Variants in GABBR2 observed in about 807,000 individuals in gnomAD.
GABBR2 encodes the protein G-protein coupled receptor 51.
Under a neutral mutation model 105.6 loss-of-function variants are expected in GABBR2, and 23 were observed. The observed-to-expected ratio is 0.22, with a 90% confidence interval of 0.16 to 0.31. The LOEUF (loss-of-function observed/expected upper bound fraction) is 0.31. Ranked by LOEUF, GABBR2 falls within the 10% of genes least tolerant of loss-of-function variation. The probability of loss-of-function intolerance (pLI) is 1.00; values close to 1 mark genes in which losing one functional copy is unlikely to be tolerated. For missense variants in GABBR2, 734 were observed against 1,245.5 expected (o/e 0.59, Z 6.18); for synonymous variants, 478 against 499.7 (o/e 0.96, Z 0.58).
At chr9:98,597,322 C>T (rs1829252909) in intron 1 of GABBR2, among the ~76,000 whole-genome samples, 1 of 152,210 alleles carries the variant, frequency 6.6e-6, no homozygotes, top group African/African-American at 2.4e-5. Context: ...GGACAACATG[C>T]CAGGGACAAC....
rs774600944 is a variant in GABBR2 at position 98,480,907 on chromosome 9, C to T, written c.798+25G>A. 3.7e-5 allele frequency: 53 copies of T among 1,424,798 alleles called. No homozygotes were observed. The East Asian group carries it at 5.9e-4, about 16-fold the overall frequency. The allele number at this position is 1,424,798 out of a possible 1,614,324, so 88.3% of individuals were successfully genotyped here. A position where few individuals can be genotyped will look rare whatever the true frequency, so the allele number is the denominator to read the frequency against. ...AGCTTCGTGAACCTCCCCAAAGACA[C>T]GAATGATACAACTGTTTTACTTACA... On this transcript the variant is annotated intron_variant, in intron 5 of 18. Transcript: ENST00000259455.
intron 3 of GABBR2, among the ~76,000 whole-genome samples, chr9:98,528,822 TG>T (rs201826433): frequency 0.038 from 5,835 of 152,252 alleles, 386 homozygotes; most frequent in African/African-American, 0.13. Context: ...TATACTGCTA[TG>T]AAACTCTAAA....
intron 5 of GABBR2, among the ~76,000 whole-genome samples, chr9:98,479,426 A>G (rs1277001971): frequency 1.3e-5 from 2 of 152,204 alleles, no homozygotes; most frequent in African/African-American, 4.8e-5. Context: ...AACTTCAATA[A>G]TAAGTAGCAG....
At chr9:98,496,371 T>C (rs1207342853) in intron 4 of GABBR2, 42 bp downstream of exon 4, 1 of 1,252,248 alleles carries the variant, frequency 8.0e-7, no homozygotes, top group Non-Finnish European at 1.2e-6. Flanking sequence ...CCCAGGGCAT[T>C]GAGATCAGTC....
At chr9:98,637,238 C>G (rs995515585) in intron 1 of GABBR2, among the ~76,000 whole-genome samples, 1 of 152,192 alleles carries the variant, frequency 6.6e-6, no homozygotes, top group Non-Finnish European at 1.5e-5. Flanking sequence ...GACTTACCTA[C>G]TGACTGCACG....
chr9:98,409,455 T>C (rs1410416543), intron 7 of GABBR2, among the ~76,000 whole-genome samples: 6 of 152,206 alleles, frequency 3.9e-5, no homozygotes, highest in Non-Finnish European at 2.9e-5. Context: ...CAGCTCAGAC[T>C]GCATGGCAAA....
chr9:98,670,099 CT>C (rs1214409521), intron 1 of GABBR2, among the ~76,000 whole-genome samples: 6 of 152,250 alleles, frequency 3.9e-5, no homozygotes, highest in South Asian at 2.1e-4. Flanking sequence ...GGACTGTGGA[CT>C]TTCTGCTAGG....
chr9:98,414,494 C>T (rs960130801), intron 7 of GABBR2, among the ~76,000 whole-genome samples: 4 of 152,172 alleles, frequency 2.6e-5, no homozygotes, highest in Middle Eastern at 3.2e-3. Context: ...GCCAAGGATG[C>T]TGAGCTTCAT....
chr9:98,480,893 C>G, intron 5 of GABBR2, 39 bp downstream of exon 5: 1 of 1,230,960 alleles, frequency 8.1e-7, no homozygotes, highest in Non-Finnish European at 1.2e-6. Context: ...GCTTCGTGAA[C>G]CTCCCCAAAG....
intron 13 of GABBR2, among the ~76,000 whole-genome samples, chr9:98,333,685 A>AG (rs2131394866): frequency 6.6e-6 from 1 of 152,300 alleles, no homozygotes; most frequent in Non-Finnish European, 1.5e-5. Context: ...TTAGCAAATA[A>AG]GGCCACATTT....
intron 1 of GABBR2, among the ~76,000 whole-genome samples, chr9:98,641,244 C>T (rs1829958210): frequency 6.6e-6 from 1 of 151,474 alleles, no homozygotes; most frequent in Admixed American, 6.6e-5. Context: ...AGTAATTCTC[C>T]TGCCTCAGCA....
chr9:98,455,240 C>G (rs12004517), intron 6 of GABBR2, among the ~76,000 whole-genome samples: 1 of 152,052 alleles, frequency 6.6e-6, no homozygotes, highest in Non-Finnish European at 1.5e-5. Flanking sequence ...CACAAAGTAA[C>G]GAAACTGCCT....
intron 1 of GABBR2, among the ~76,000 whole-genome samples, chr9:98,647,352 C>T (rs1007829889): frequency 1.3e-5 from 2 of 152,250 alleles, no homozygotes; most frequent in Non-Finnish European, 2.9e-5. Context: ...CTTTCTCCGA[C>T]ACTTCCTCTG....
At chr9:98,580,079 C>T (rs1828980270) in intron 1 of GABBR2, among the ~76,000 whole-genome samples, 1 of 152,210 alleles carries the variant, frequency 6.6e-6, no homozygotes, top group African/African-American at 2.4e-5. Flanking sequence ...GACTCCCAAT[C>T]TGGCCTGAGT....
At chr9:98,570,534 C>A (rs561975128) in intron 2 of GABBR2, among the ~76,000 whole-genome samples, 46 of 152,314 alleles carry the variant, frequency 3.0e-4, no homozygotes, top group African/African-American at 9.9e-4. Flanking sequence ...CTCTTGCTAG[C>A]ATCTCTTGGA....
chr9:98,369,411 G>A (rs1000014648), intron 12 of GABBR2, among the ~76,000 whole-genome samples: 1 of 152,308 alleles, frequency 6.6e-6, no homozygotes, highest in Admixed American at 6.5e-5. Context: ...GAGGTGGGTG[G>A]GGGGCCTGAG....
intron 7 of GABBR2, among the ~76,000 whole-genome samples, chr9:98,448,473 G>T (rs989470394): frequency 5.9e-5 from 9 of 151,412 alleles, no homozygotes; most frequent in Non-Finnish European, 1.5e-5. Context: ...CTATTGCTCA[G>T]GCTGAAGTAC....
chr9:98,419,101 G>T (rs559028088), intron 7 of GABBR2, among the ~76,000 whole-genome samples: 1 of 152,266 alleles, frequency 6.6e-6, no homozygotes, highest in African/African-American at 2.4e-5. Flanking sequence ...ATTGGCCCGG[G>T]GGGGCGGTGG....
chr9:98,671,884 A>T lies in GABBR2; in HGVS notation c.321+36533T>A, dbSNP rs16917826. The stretch of plus-strand genomic sequence containing the variant: ...CGAGATGATGGTAGCTTGGACTATG[A>T]TCAAAGAGATGGTAAAAAGCAGAGA... On this transcript the variant is annotated intron_variant, in intron 1 of 18. Coordinates refer to ENST00000259455, the MANE Select transcript of GABBR2 (RefSeq NM_005458.8). Among the ~76,000 whole-genome samples the T allele has an allele frequency of 3.4e-4, 52 of 152,306 alleles. 1 individual carries two copies. Among genetic ancestry groups the T allele is most frequent in the Non-Finnish European group, 1.3e-4 (9 of 68,030 alleles).
Sources: gnomAD v4.1 joint callset for allele counts (sites outside exome capture counted in the v4.1 genomes callset) on GRCh38, gnomAD v4.1.1 for gene constraint, MANE v1.5 for transcripts, NCBI Gene and HGNC (gene_info 2026-07-23, HGNC 2026-07-21) for gene names.